CSPP1: variants seen among roughly 807,000 people sequenced by gnomAD.
CSPP1 encodes the protein centrosome and spindle pole associated protein 1, also known as centrosome and spindle pole-associated protein 1.
Under a neutral mutation model 164.4 loss-of-function variants are expected in CSPP1, and 126 were observed. The ratio of observed to expected loss-of-function variants is 0.77; its 90% confidence interval spans 0.66 to 0.89. CSPP1 has a LOEUF of 0.89. Among genes scored for constraint, CSPP1 ranks in the 40% least tolerant of loss-of-function variants. The pLI, the probability that CSPP1 is intolerant of heterozygous loss-of-function variation, is 0.00. For missense variants in CSPP1, 1,395 were observed against 1,449.8 expected, an observed-to-expected ratio of 0.96 and a Z score of 0.61; for synonymous variants, 472 against 476.7, an observed-to-expected ratio of 0.99 and a Z score of 0.13.
intron 10 of CSPP1, 98 bp downstream of exon 10, chr8:67,112,163 G>A (rs1816985280): frequency 6.6e-6 from 4 of 609,620 alleles, no homozygotes; most frequent in Middle Eastern, 2.8e-4. Context: ...CTAATATGAT[G>A]TTTGATTTGT....
intron 1 of CSPP1, among the ~76,000 whole-genome samples, chr8:67,070,758 T>C (rs1056714325): frequency 6.6e-6 from 1 of 150,462 alleles, no homozygotes; most frequent in East Asian, 1.9e-4. Flanking sequence ...TTTTTAGTGT[T>C]TTTTTTTGAG....
chr8:67,164,456 C>T lies in CSPP1; in HGVS notation c.2776C>T (p.Arg926Cys), dbSNP rs373151997. 2.4e-5 allele frequency: 39 copies of T among 1,606,668 alleles called. 1 individual carries two copies. The South Asian group carries it at 2.6e-4, about 11-fold the overall frequency. ...MRKQLRSEER[R>C]LQERLLHMDS... ...AAAACAGCTTCGTAGTGAAGAGAGG[C>T]GTCTACAAGAGCGATTGCTACACAT... The change falls in exon 24 of 31, where the codon CGT becomes TGT. Residue 926 changes from arginine (R) to cysteine (C), a missense_variant. Coordinates refer to ENST00000678616, the MANE Select transcript of CSPP1 (RefSeq NM_001382391.1).
intron 9 of CSPP1, among the ~76,000 whole-genome samples, chr8:67,109,522 A>G (rs984846749): frequency 6.6e-6 from 1 of 152,186 alleles, no homozygotes; most frequent in Non-Finnish European, 1.5e-5. Context: ...ATTGTATACA[A>G]GTAAGTTACA....
At chr8:67,089,717 T>G (rs958218443) in intron 4 of CSPP1, among the ~76,000 whole-genome samples, 5 of 152,188 alleles carry the variant, frequency 3.3e-5, no homozygotes, top group Non-Finnish European at 5.9e-5. Context: ...ACTCAGTATT[T>G]ATTGAATGAA....
chr8:67,124,489 G>A (rs1163679459), intron 15 of CSPP1, among the ~76,000 whole-genome samples: 2 of 151,954 alleles, frequency 1.3e-5, no homozygotes, highest in Non-Finnish European at 2.9e-5. Flanking sequence ...TTATGCAATT[G>A]TCTTTTATTT....
chr8:67,065,853 C>T (rs1020404988), intron 1 of CSPP1, among the ~76,000 whole-genome samples: 1 of 152,140 alleles, frequency 6.6e-6, no homozygotes, highest in Admixed American at 6.5e-5. Context: ...TGCCAGATGG[C>T]CGCCTGGGAG....
intron 29 of CSPP1, among the ~76,000 whole-genome samples, chr8:67,193,003 G>A (rs977409059): frequency 2.0e-5 from 3 of 152,144 alleles, no homozygotes. Context: ...ATCCTTGAGA[G>A]TCATCTGAGC....
chr8:67,148,008 CCCCCGG>C, intron 17 of CSPP1, among the ~76,000 whole-genome samples: 1 of 151,448 alleles, frequency 6.6e-6, no homozygotes, highest in Non-Finnish European at 1.5e-5. Flanking sequence ...AACCTGCACC[CCCCCGG>C]CTTAAGTGAT....
intron 8 of CSPP1, among the ~76,000 whole-genome samples, chr8:67,104,966 A>ATTT (rs1166551719): frequency 9.9e-5 from 6 of 60,742 alleles, no homozygotes; most frequent in East Asian, 7.3e-4. Flanking sequence ...ATATATATAT[A>ATTT]TTTTTTTTTT....
At chr8:67,122,683 C>T (rs1297440857) in intron 15 of CSPP1, among the ~76,000 whole-genome samples, 1 of 152,040 alleles carries the variant, frequency 6.6e-6, no homozygotes, top group Non-Finnish European at 1.5e-5. Context: ...GTTCCACATG[C>T]ATTTGAGAAG....
chr8:67,103,997 G>A (rs560714003), intron 8 of CSPP1, among the ~76,000 whole-genome samples: 2 of 152,156 alleles, frequency 1.3e-5, no homozygotes, highest in South Asian at 4.2e-4. Flanking sequence ...AAAGGAAATT[G>A]TATGTATTTT....
intron 22 of CSPP1, among the ~76,000 whole-genome samples, chr8:67,163,162 G>A (rs1471893477): frequency 6.6e-6 from 1 of 152,158 alleles, no homozygotes; most frequent in East Asian, 1.9e-4. Context: ...GATGACTTTG[G>A]TGAAGGCAGT....
At chr8:67,159,947 TTCC>T (rs1827770270) in intron 21 of CSPP1, among the ~76,000 whole-genome samples, 1 of 73,910 alleles carries the variant, frequency 1.4e-5, no homozygotes, top group East Asian at 3.2e-4. Context: ...CCTTCCTTCC[TTCC>T]TTCCTTCTTT....
At chr8:67,138,687 A>T (rs373513851) in intron 17 of CSPP1, among the ~76,000 whole-genome samples, 1 of 152,150 alleles carries the variant, frequency 6.6e-6, no homozygotes, top group African/African-American at 2.4e-5. Context: ...GGAAGATTGG[A>T]TGTTGAGTTA....
chr8:67,102,971 C>T lies in CSPP1; in HGVS notation c.924-66C>T, dbSNP rs1814460463. On this transcript the variant is annotated intron_variant, in intron 7 of 30. Coordinates refer to ENST00000678616, the MANE Select transcript of CSPP1 (RefSeq NM_001382391.1). The stretch of plus-strand genomic sequence containing the variant: ...ATGTTGCCAACATCAAATGTAAAAA[C>T]ACCAAACTGTTATAAGAAGGTCCAC... 4.5e-6 allele frequency: 4 copies of T among 896,546 alleles called. No individual in the cohort carries two copies. The South Asian group carries it at 6.2e-5, about 14-fold the overall frequency. 55.5% of individuals were successfully genotyped at this position (896,546 alleles called of 1,614,324 possible). A position where few individuals can be genotyped will look rare whatever the true frequency, so the allele number is the denominator to read the frequency against.
intron 1 of CSPP1, among the ~76,000 whole-genome samples, chr8:67,067,898 G>A (rs1156606967): frequency 6.8e-6 from 1 of 146,688 alleles, no homozygotes; most frequent in African/African-American, 2.5e-5. Context: ...CATCGAGGCT[G>A]TAGTACAGTG....
rs147127957 is a variant in CSPP1, at chr8:67,095,137, C to T, written c.484-156C>T. 2.0e-3 allele frequency among the ~76,000 whole-genome samples: 304 copies of T among 151,984 alleles called. 2 individuals carry two copies. The highest frequency in any genetic ancestry group is 7.0e-3 in the African/African-American group (289 of 41,460). On this transcript the variant is annotated intron_variant, in intron 6 of 30. Transcript: ENST00000678616. Reference sequence around the variant, plus strand: ...CTATTACAAGTAAAGCTCATGTGAACATTAATGTAAAAACGTATATATATA... The same window carrying T: ...CTATTACAAGTAAAGCTCATGTGAATATTAATGTAAAAACGTATATATATA...
At chr8:67,181,600 T>TTAACCACTGCTC (rs796546775) in intron 28 of CSPP1, among the ~76,000 whole-genome samples, 12 of 152,290 alleles carry the variant, frequency 7.9e-5, no homozygotes, top group African/African-American at 2.9e-4. Context: ...CATGGCTGTG[T>TTAACCACTGCTC]TAACCACTGC....
At chr8:67,096,034 A>G (rs900950263) in intron 7 of CSPP1, among the ~76,000 whole-genome samples, 1 of 152,260 alleles carries the variant, frequency 6.6e-6, no homozygotes, top group African/African-American at 2.4e-5. Context: ...GGAAATGTCC[A>G]CATCCCAACC....
Sources: gnomAD v4.1 joint callset for allele counts (sites outside exome capture counted in the v4.1 genomes callset) on GRCh38, gnomAD v4.1.1 for gene constraint, MANE v1.5 for transcripts, NCBI Gene and HGNC (gene_info 2026-07-23, HGNC 2026-07-21) for gene names.